Variants in CORO1C observed in about 807,000 individuals in gnomAD.
CORO1C encodes the protein coronin-1C.
In CORO1C, 14 loss-of-function variants were observed where a neutral mutation model predicts 51.2. The observed-to-expected ratio is 0.27, with a 90% CI of 0.18 to 0.43. The LOEUF is 0.43. CORO1C is among the 20% of genes least tolerant of loss of function. The pLI is 1.00. For synonymous variants in CORO1C, 181 were observed against 210.5 expected (o/e 0.86, Z 1.21); for missense variants, 417 against 607.8 (o/e 0.69, Z 3.30).
In CORO1C at chr12:108,704,797, C is replaced by T. The variant is rs146393781; in HGVS notation, c.-5-3474G>A. ...CAATAGAGTATAGCAATTAAGAGAG[C>T]AAACTCCAGAGTCAGACAGCCTCGT... is the stretch of plus-strand genomic sequence containing the variant. On this transcript the variant is annotated intron_variant, in intron 1 of 10. Coordinates refer to ENST00000261401, the MANE Select transcript of CORO1C (RefSeq NM_014325.4). Among the ~76,000 whole-genome samples the T allele has an allele frequency of 2.0e-3, 303 of 152,326 alleles. 1 individual carries two copies. Among genetic ancestry groups the T allele is most frequent in the African/African-American group, 7.1e-3 (297 of 41,582 alleles).
In CORO1C at chr12:108,687,409, C is replaced by T. The variant is rs142544277; in HGVS notation, c.196-9015G>A. On this transcript the variant is annotated intron_variant, in intron 2 of 10. Transcript: ENST00000261401. The stretch of plus-strand genomic sequence containing the variant: ...GGCTGAGGTGGGAGGATCACCTGAG[C>T]CCAGGAGGTCAAGGCTGCAGTGAAC... Among the ~76,000 whole-genome samples, 960 of 152,092 alleles carry T rather than the reference C, an allele frequency of 6.3e-3. 6 individuals carry two copies. The highest frequency in any genetic ancestry group is 9.9e-3 in the Non-Finnish European group (674 of 67,972).
At chr12:108,712,762 G>T (rs1251260974) in intron 1 of CORO1C, among the ~76,000 whole-genome samples, 1 of 151,660 alleles carries the variant, frequency 6.6e-6, no homozygotes, top group African/African-American at 2.4e-5. Flanking sequence ...TGGGAAGATA[G>T]CTTAAGGCCA....
intron 1 of CORO1C, among the ~76,000 whole-genome samples, chr12:108,726,426 CA>C (rs1264132577): frequency 0.017 from 1,548 of 92,820 alleles, 9 homozygotes; most frequent in African/African-American, 0.024. Context: ...GACTCTGTCT[CA>C]AAAAAAAAAA....
At chr12:108,687,363 T>C (rs893185793) in intron 2 of CORO1C, among the ~76,000 whole-genome samples, 1 of 152,184 alleles carries the variant, frequency 6.6e-6, no homozygotes, top group Non-Finnish European at 1.5e-5. Context: ...GGTGCGCACC[T>C]GTAGTCCCAG....
At chr12:108,655,978 G>A (rs1022880766) in intron 6 of CORO1C, among the ~76,000 whole-genome samples, 14 of 146,810 alleles carry the variant, frequency 9.5e-5, no homozygotes, top group Non-Finnish European at 2.0e-4. Context: ...TGTGGGGAGC[G>A]CCTCTGCTCC....
chr12:108,647,824 T>C (rs1360207369), intron 10 of CORO1C, among the ~76,000 whole-genome samples: 3 of 152,206 alleles, frequency 2.0e-5, no homozygotes, highest in Non-Finnish European at 2.9e-5. Context: ...AGTTAGACTA[T>C]AGGACAAAAC....
At chr12:108,724,252 G>A (rs1359844939) in intron 1 of CORO1C, among the ~76,000 whole-genome samples, 1 of 152,208 alleles carries the variant, frequency 6.6e-6, no homozygotes, top group African/African-American at 2.4e-5. Flanking sequence ...AAAAGAGCAT[G>A]ACGAAAGGCT....
At chr12:108,678,718 TAA>T (rs5800834) in intron 2 of CORO1C, among the ~76,000 whole-genome samples, 2,990 of 113,628 alleles carry the variant, frequency 0.026, 89 homozygotes, top group African/African-American at 0.088. Context: ...TTCCATGGCT[TAA>T]AAAAAAAAAA....
chr12:108,658,694 C>T lies in CORO1C; in HGVS notation c.630+44G>A, dbSNP rs765399164. ...TTAAAAAGCAGAAAGCTCACACTCA[C>T]TCAAGTGCTCCAACTACTGAGTTTT... On this transcript the variant is annotated intron_variant, in intron 5 of 10. Coordinates refer to ENST00000261401, the MANE Select transcript of CORO1C (RefSeq NM_014325.4). The surrounding 1 kb of genome is among the most constrained non-coding windows in gnomAD (Gnocchi z 4.9). 1.3e-5 allele frequency: 20 copies of T among 1,589,392 alleles called. No homozygotes were observed. The highest frequency in any genetic ancestry group is 5.4e-5 in the African/African-American group (4 of 74,586).
chr12:108,698,204 G>A (rs182696888), intron 2 of CORO1C, among the ~76,000 whole-genome samples: 115 of 152,342 alleles, frequency 7.5e-4, no homozygotes, highest in Non-Finnish European at 1.3e-3. Flanking sequence ...GCTCAGCTTT[G>A]CCTTAGTGAA....
chr12:108,665,864 C>G (rs574656867), intron 3 of CORO1C, among the ~76,000 whole-genome samples: 17 of 152,138 alleles, frequency 1.1e-4, no homozygotes, highest in Admixed American at 1.1e-3. Context: ...ATTCACCTAA[C>G]CTTTCCAGGA....
intron 2 of CORO1C, among the ~76,000 whole-genome samples, chr12:108,689,177 G>A (rs929109775): frequency 1.3e-5 from 2 of 152,186 alleles, no homozygotes; most frequent in African/African-American, 2.4e-5. Flanking sequence ...TCCAGCCTGG[G>A]CAACAGAGCG....
intron 2 of CORO1C, among the ~76,000 whole-genome samples, chr12:108,694,694 G>T (rs1565925852): frequency 6.6e-6 from 1 of 152,094 alleles, no homozygotes; most frequent in Non-Finnish European, 1.5e-5. Context: ...ACAAAATCTT[G>T]CCATATAGCT....
At chr12:108,700,855 A>G in intron 2 of CORO1C, 1 of 322,738 alleles carries the variant, frequency 3.1e-6, no homozygotes, top group Non-Finnish European at 5.6e-6. Flanking sequence ...AAATCTTAAA[A>G]TTCCTATGCC....
Position 108,678,393 on chromosome 12 carries a change from G to A in CORO1C, c.197C>T (p.Thr66Ile). 6.3e-7 allele frequency: 1 copy of A among 1,577,338 alleles called. No homozygotes were observed. Among genetic ancestry groups the A allele is most frequent in the Non-Finnish European group, 8.6e-7 (1 of 1,160,004 alleles). ...AGGGTAAGATTTGTCAATTCGACCA[G>A]TCTGAAAGAAGAGAGAAACAAACCT... ...GAFLVLPLHK[T>I]GRIDKSYPTV... The change falls in exon 3 of 11, where the codon ACT (threonine) becomes ATT (isoleucine). Residue 66 changes from threonine (T) to isoleucine (I), a missense_variant and splice_region_variant. By Grantham distance (89) the Thr-to-Ile change is moderately conservative (BLOSUM62 -1). Transcript: ENST00000261401.
At chr12:108,727,092 G>A (rs564134541) in intron 1 of CORO1C, among the ~76,000 whole-genome samples, 1 of 152,276 alleles carries the variant, frequency 6.6e-6, no homozygotes, top group Non-Finnish European at 1.5e-5. Flanking sequence ...TTCATTCAGC[G>A]AATATCCAGT....
At chr12:108,710,579 T>C (rs553209440) in intron 1 of CORO1C, among the ~76,000 whole-genome samples, 18 of 152,188 alleles carry the variant, frequency 1.2e-4, no homozygotes, top group Admixed American at 9.8e-4. Context: ...TTTTTCTTTT[T>C]TTTTGAGACA....
chr12:108,662,996 A>G (rs1314641248), intron 3 of CORO1C, among the ~76,000 whole-genome samples: 12 of 152,228 alleles, frequency 7.9e-5, no homozygotes, highest in Non-Finnish European at 1.6e-4. Flanking sequence ...AAATAACCCA[A>G]TTGAAAAATA....
chr12:108,713,938 G>A (rs766063298), intron 1 of CORO1C, among the ~76,000 whole-genome samples: 2 of 152,142 alleles, frequency 1.3e-5, no homozygotes, highest in African/African-American at 2.4e-5. Context: ...TTATAAATAT[G>A]AGTAAAAATG....
Sources: gnomAD v4.1 joint callset for allele counts (sites outside exome capture counted in the v4.1 genomes callset) on GRCh38, gnomAD v4.1.1 for gene constraint, Gnocchi (gnomAD v3.1) non-coding constraint, MANE v1.5 for transcripts, NCBI Gene and HGNC (gene_info 2026-07-23, HGNC 2026-07-21) for gene names.